The following EHD1 variants were observed in gnomAD, a reference collection of about 807,000 sequenced individuals.
The protein encoded by EHD1 is EH domain-containing protein 1.
Under a neutral mutation model 39.0 loss-of-function variants are expected in EHD1, and 19 were observed. That is an observed-to-expected ratio of 0.49 (90% confidence interval 0.34 to 0.72). EHD1 has a LOEUF of 0.72. Among genes scored for constraint, EHD1 ranks in the 30% least tolerant of loss-of-function variants. The probability of loss-of-function intolerance (pLI) is 0.01; values close to 1 mark genes in which losing one functional copy is unlikely to be tolerated. For synonymous variants in EHD1, 323 were observed against 331.2 expected (o/e 0.98, Z 0.27); for missense variants, 542 against 751.5 (o/e 0.72, Z 3.26).
At position 64,854,128 on chromosome 11, in the gene EHD1, T is replaced by C. The variant is rs1036307074; in HGVS notation, c.*205A>G. On this transcript the variant is annotated 3_prime_UTR_variant, in exon 5 of 5. Coordinates refer to ENST00000320631, the MANE Select transcript of EHD1 (RefSeq NM_006795.4). ...TATATATTAAAATAGCCACAGTTCT[T>C]GTGCACACAATTCCATCCTCTCACC... 16 of 848,004 alleles carry C rather than the reference T, an allele frequency of 1.9e-5. No homozygotes were observed. The East Asian group carries it at 3.0e-4, about 16-fold the overall frequency. 52.5% of individuals were successfully genotyped at this position (848,004 alleles called of 1,614,324 possible).
At chr11:64,855,691 A>T in intron 3 of EHD1, 1 of 660,196 alleles carries the variant, frequency 1.5e-6, no homozygotes, top group Non-Finnish European at 2.5e-6. Flanking sequence ...ACAGCTGTCC[A>T]CTGCCACAGG....
At position 64,860,259 on chromosome 11, in the gene EHD1, G is replaced by C. The variant is rs1254688704; in HGVS notation, c.580C>G (p.Leu194Val). The C allele has an allele frequency of 3.7e-6, 6 of 1,614,050 alleles. No individual in the cohort carries two copies. Among genetic ancestry groups the C allele is most frequent in the Non-Finnish European group, 4.2e-6 (5 of 1,180,040 alleles). Reference sequence around the variant, plus strand: ...TCCGAGAACTCATCGGAGATGTCCAGCTTGTGGGCGTCGAAGAGCAGGATG... The same window carrying C: ...TCCGAGAACTCATCGGAGATGTCCACCTTGTGGGCGTCGAAGAGCAGGATG... Reference protein sequence around the residue: ...RIILLFDAHKLDISDEFSEVI... With the variant: ...RIILLFDAHKVDISDEFSEVI... The change falls in exon 3 of 5, where the codon CTG becomes GTG. Residue 194 changes from leucine (L) to valine (V), a missense_variant. Leu to Val is a conservative substitution (Grantham distance 32). Coordinates refer to ENST00000320631, the MANE Select transcript of EHD1 (RefSeq NM_006795.4).
chr11:64,860,920 T>C (rs1318157194), intron 2 of EHD1, among the ~76,000 whole-genome samples: 2 of 150,166 alleles, frequency 1.3e-5, no homozygotes, highest in Non-Finnish European at 2.9e-5. Flanking sequence ...CTCGAGAGGC[T>C]GAGGCAGGAG....
At chr11:64,874,651 T>C in intron 1 of EHD1, 133 bp from the exon 2 acceptor site, 1 of 684,208 alleles carries the variant, frequency 1.5e-6, no homozygotes. Context: ...TGACAGGTGG[T>C]TTTCTATCGT....
upstream of EHD1, chr11:64,879,121 C>G: frequency 5.0e-6 from 5 of 1,002,776 alleles, no homozygotes; most frequent in Non-Finnish European, 5.9e-6. Context: ...GCCCAGCTTC[C>G]CAGACACACA....
Position 64,855,401 on chromosome 11 carries a change from T to C in EHD1, c.1001A>G (p.Asn334Ser), listed in dbSNP as rs1350349145. 5 of 1,614,072 alleles carry C rather than the reference T, an allele frequency of 3.1e-6. No individual in the cohort carries two copies. Among genetic ancestry groups the C allele is most frequent in the Non-Finnish European group, 4.2e-6 (5 of 1,179,992 alleles). ...KESKKKELVNNLGEIYQKIER... is the reference protein window; with the variant it reads ...KESKKKELVNSLGEIYQKIER... ...AATCTTCTGGTAGATCTCTCCGAGG[T>C]TGTTCACCAGCTCTTTCTTTTTGCT... Residue 334 changes from asparagine to serine, a missense_variant, in exon 4 of 5, where the codon AAC becomes AGC. Asn to Ser is a conservative substitution (Grantham distance 46). Transcript: ENST00000320631.
At position 64,855,355 on chromosome 11, in the gene EHD1, G is replaced by A. The variant is rs552256701; in HGVS notation, c.1047C>T (p.Ser349=). Residue 349 remains serine (S), a synonymous_variant, in exon 4 of 5, where the codon TCC becomes TCT. Coordinates refer to ENST00000320631, the MANE Select transcript of EHD1 (RefSeq NM_006795.4). ...TGCGGAGGCTCGGGAAGTCCCCAGG[G>A]GAGATCTGGTGCTCGCGCTCAATCT... ...YQKIEREHQI[S]PGDFPSLRKM... 1.2e-6 allele frequency: 2 copies of A among 1,614,090 alleles called. No homozygotes were observed. Among genetic ancestry groups the A allele is most frequent in the African/African-American group, 1.3e-5 (1 of 75,042 alleles).
At chr11:64,873,949 T>A (rs555103492) in intron 2 of EHD1, among the ~76,000 whole-genome samples, 1 of 150,048 alleles carries the variant, frequency 6.7e-6, no homozygotes, top group East Asian at 2.1e-4. Flanking sequence ...AGTGCTGGGA[T>A]TACAAGTGTG....
rs1943636006 is a variant in EHD1 at position 64,855,150 on chromosome 11, G to A, written c.1080+172C>T. The A allele has an allele frequency of 4.4e-6, 5 of 1,128,282 alleles. No homozygotes were observed. The East Asian group carries it at 1.0e-4, about 23-fold the overall frequency. 69.9% of individuals were successfully genotyped at this position (1,128,282 alleles called of 1,614,324 possible). On this transcript the variant is annotated intron_variant, in intron 4 of 4. Transcript: ENST00000320631. ...GAGTCACCACATTCCCCTCTGCAGT[G>A]TCACCGCCTGGGTCAACTCTGAGTT...
At chr11:64,878,903 T>G (rs17146433), upstream of EHD1, 23 of 1,032,284 alleles carry the variant, frequency 2.2e-5, 1 homozygote, top group East Asian at 2.2e-3. Context: ...GGAGCGGGCG[T>G]TCGGCGGAGA....
At chr11:64,879,178 C>T, upstream of EHD1, 4 of 1,042,068 alleles carry the variant, frequency 3.8e-6, no homozygotes, top group Non-Finnish European at 4.6e-6. Flanking sequence ...GAGGGAGAGA[C>T]AGGAAAGTGG....
At position 64,860,356 on chromosome 11, in the gene EHD1, G is replaced by T. The variant is rs768903050; in HGVS notation, c.503-20C>A. 2.0e-5 allele frequency: 32 copies of T among 1,596,282 alleles called. No individual in the cohort carries two copies. Among genetic ancestry groups the T allele is most frequent in the Non-Finnish European group, 2.3e-5 (27 of 1,167,804 alleles). ...CATAGCCTGGGGGGAAGAGAAGGGA[G>T]AGCTCAGGGGCGCCAAGGGACCTGC... On this transcript the variant is annotated intron_variant, in intron 2 of 4. Coordinates refer to ENST00000320631, the MANE Select transcript of EHD1 (RefSeq NM_006795.4).
intron 2 of EHD1, among the ~76,000 whole-genome samples, chr11:64,871,593 G>T (rs1943831534): frequency 6.6e-6 from 1 of 152,226 alleles, no homozygotes; most frequent in Non-Finnish European, 1.5e-5. Context: ...AAAAGAAATG[G>T]TCTAGTAAAA....
intron 3 of EHD1, 74 bp from the exon 4 acceptor site, chr11:64,855,560 T>C (rs1486405829): frequency 1.9e-6 from 3 of 1,590,402 alleles, no homozygotes. Flanking sequence ...CCAAGGACAC[T>C]CCAAGGATAC....
chr11:64,866,144 G>A lies in EHD1; in HGVS notation c.503-5808C>T, dbSNP rs77798344. On this transcript the variant is annotated intron_variant, in intron 2 of 4. Transcript: ENST00000320631. ...CAGTAGACTGGATAAAGAAAACATG[G>A]TACATATACCACAGAGAATACTATC... Among the ~76,000 whole-genome samples the A allele has an allele frequency of 4.7e-3, 722 of 152,136 alleles. 8 individuals are homozygous for A. The highest frequency in any genetic ancestry group is 0.017 in the African/African-American group (685 of 41,470).
chr11:64,867,409 A>G (rs1217072424), intron 2 of EHD1, among the ~76,000 whole-genome samples: 2 of 145,704 alleles, frequency 1.4e-5, no homozygotes, highest in Admixed American at 1.4e-4. Flanking sequence ...ACAGAGCAAG[A>G]CTCTGTCTCA....
chr11:64,855,687 G>A, intron 3 of EHD1: 1 of 676,292 alleles, frequency 1.5e-6, no homozygotes, highest in Non-Finnish European at 2.5e-6. Flanking sequence ...AGCCACAGCT[G>A]TCCACTGCCA....
chr11:64,879,123 A>G, upstream of EHD1: 1 of 1,002,590 alleles, frequency 1.0e-6, no homozygotes, highest in Non-Finnish European at 1.2e-6. Context: ...CCAGCTTCCC[A>G]GACACACACT....
At chr11:64,855,288 C>T in intron 4 of EHD1, 34 bp downstream of exon 4, 1 of 1,607,286 alleles carries the variant, frequency 6.2e-7, no homozygotes, top group African/African-American at 1.3e-5. Context: ...CCCTGATGGC[C>T]ACCAGCCTGC....
Sources: allele counts gnomAD v4.1 joint callset (sites outside exome capture counted in the v4.1 genomes callset), GRCh38; gene constraint gnomAD v4.1.1; transcripts MANE v1.5; gene names NCBI Gene and HGNC (gene_info 2026-07-23, HGNC 2026-07-21).